The following FSHR variants were observed in gnomAD, a reference collection of about 807,000 sequenced individuals.
The protein encoded by FSHR is follicle stimulating hormone receptor, also known as follicle-stimulating hormone receptor.
In FSHR, 46 loss-of-function variants were observed where a neutral mutation model predicts 52.1. The ratio of observed to expected loss-of-function variants is 0.88; its 90% confidence interval spans 0.70 to 1.13. The LOEUF (loss-of-function observed/expected upper bound fraction) is 1.13, where lower values mean the gene tolerates loss of function less well. FSHR is among the 50% of genes most tolerant of loss of function. The pLI, the probability that FSHR is intolerant of heterozygous loss-of-function variation, is 0.00. For missense variants in FSHR, 964 were observed against 834.6 expected (o/e 1.16, Z -1.91); for synonymous variants, 399 against 309.6 (o/e 1.29, Z -3.03).
intron 2 of FSHR, among the ~76,000 whole-genome samples, chr2:49,035,869 T>G (rs1353333693): frequency 1.3e-5 from 2 of 152,212 alleles, no homozygotes; most frequent in Non-Finnish European, 2.9e-5. Context: ...GGAGAAATCT[T>G]TGAGCAAGTA....
intron 8 of FSHR, 67 bp from the exon 9 acceptor site, chr2:48,968,950 A>T (rs770937146): frequency 2.2e-6 from 3 of 1,394,630 alleles, no homozygotes; most frequent in Non-Finnish European, 3.0e-6. Flanking sequence ...CTTGGTTAGC[A>T]GGCAAAATAG....
chr2:49,104,962 A>C (rs1671172300), intron 1 of FSHR, among the ~76,000 whole-genome samples: 1 of 152,052 alleles, frequency 6.6e-6, no homozygotes, highest in Admixed American at 6.5e-5. Context: ...GGCAATGGAG[A>C]CTTGTGAATT....
intron 1 of FSHR, among the ~76,000 whole-genome samples, chr2:49,139,601 T>TC (rs951176004): frequency 6.7e-6 from 1 of 148,640 alleles, no homozygotes; most frequent in African/African-American, 2.5e-5. Context: ...TCCAAGAATT[T>TC]TTTTTTTTTT....
intron 1 of FSHR, among the ~76,000 whole-genome samples, chr2:49,123,401 C>T (rs531169929): frequency 3.9e-5 from 6 of 152,162 alleles, no homozygotes; most frequent in Admixed American, 6.5e-5. Flanking sequence ...GTAGGAGTAT[C>T]GCTTGAGCCC....
Position 48,963,456 on chromosome 2 carries a change from C to T in FSHR, c.1365G>A (p.Leu455=). 1.2e-6 allele frequency: 2 copies of T among 1,614,178 alleles called. No individual in the cohort carries two copies. Among genetic ancestry groups the T allele is most frequent in the South Asian group, 1.1e-5 (1 of 91,088 alleles). Residue 455 remains leucine (L), a synonymous_variant, in exon 10 of 10, where the codon CTG becomes CTA. Transcript: ENST00000406846. The part of the protein sequence containing the change: ...AGFFTVFASE[L]SVYTLTAITL... ...TGATAGCTGTCAGAGTGTAGACTGA[C>T]AGCTCACTGGCAAAGACAGTGAAAA... is the stretch of plus-strand genomic sequence containing the variant.
At chr2:49,021,186 C>A (rs550365840) in intron 2 of FSHR, among the ~76,000 whole-genome samples, 1 of 152,200 alleles carries the variant, frequency 6.6e-6, no homozygotes, top group African/African-American at 2.4e-5. Flanking sequence ...AAGGCCATTG[C>A]CATTAATGAT....
chr2:49,047,462 C>T (rs149955596), intron 2 of FSHR, among the ~76,000 whole-genome samples: 46 of 152,304 alleles, frequency 3.0e-4, no homozygotes, highest in African/African-American at 9.6e-4. Flanking sequence ...GCTTACAGCA[C>T]GATCACCCTG....
At chr2:49,004,772 C>T (rs1559125228) in intron 4 of FSHR, among the ~76,000 whole-genome samples, 1 of 152,068 alleles carries the variant, frequency 6.6e-6, no homozygotes, top group African/African-American at 2.4e-5. Flanking sequence ...TGCTTTTCAC[C>T]CAGTCCTCTC....
rs1372116078 is a variant in FSHR, at chr2:49,069,670, T to G, written c.153-1380A>C. 3.9e-5 allele frequency among the ~76,000 whole-genome samples: 6 copies of G among 152,248 alleles called. No individual in the cohort carries two copies. In the East Asian group the frequency reaches 1.2e-3, roughly 29 times the overall value. On this transcript the variant is annotated intron_variant, in intron 1 of 9. Coordinates refer to ENST00000406846, the MANE Select transcript of FSHR (RefSeq NM_000145.4). ...ATTTGAATGACTGAATTAAATGGCT[T>G]ATTGAGCCCTCTGAAAATTCTAGGT...
chr2:49,096,890 C>T (rs1383467566), intron 1 of FSHR, among the ~76,000 whole-genome samples: 1 of 152,076 alleles, frequency 6.6e-6, no homozygotes, highest in Non-Finnish European at 1.5e-5. Flanking sequence ...CTTTCTTGCT[C>T]CTGCTCTGGC....
intron 1 of FSHR, among the ~76,000 whole-genome samples, chr2:49,120,714 C>G (rs1413046962): frequency 6.6e-6 from 1 of 152,152 alleles, no homozygotes; most frequent in Non-Finnish European, 1.5e-5. Flanking sequence ...ATTATACAAC[C>G]TCTCTGGCCT....
At chr2:49,065,167 G>T (rs900762420) in intron 2 of FSHR, among the ~76,000 whole-genome samples, 1 of 152,094 alleles carries the variant, frequency 6.6e-6, no homozygotes, top group Non-Finnish European at 1.5e-5. Context: ...AGTGCATATG[G>T]TGGGAAATAA....
intron 4 of FSHR, among the ~76,000 whole-genome samples, chr2:48,993,992 G>A (rs1675906699): frequency 6.6e-6 from 1 of 152,126 alleles, no homozygotes; most frequent in African/African-American, 2.4e-5. Context: ...GTATTATTTT[G>A]TGTTATTTAT....
intron 6 of FSHR, among the ~76,000 whole-genome samples, chr2:48,986,432 C>T (rs1675519852): frequency 6.9e-6 from 1 of 145,406 alleles, no homozygotes; most frequent in African/African-American, 2.5e-5. Flanking sequence ...TCAAATGTCC[C>T]CATGGGAAGA....
At chr2:49,027,631 C>T (rs559786979) in intron 2 of FSHR, among the ~76,000 whole-genome samples, 12 of 152,266 alleles carry the variant, frequency 7.9e-5, no homozygotes, top group Admixed American at 5.2e-4. Flanking sequence ...GGGCCGATCA[C>T]TTGATGTCAG....
chr2:48,993,497 A>G (rs541149048), intron 4 of FSHR, among the ~76,000 whole-genome samples: 11 of 152,104 alleles, frequency 7.2e-5, no homozygotes, highest in African/African-American at 2.7e-4. Context: ...GCCTATCTCC[A>G]CTGACACCAT....
chr2:49,069,985 T>C (rs1669670482), intron 1 of FSHR, among the ~76,000 whole-genome samples: 1 of 152,132 alleles, frequency 6.6e-6, no homozygotes, highest in Non-Finnish European at 1.5e-5. Context: ...GGCAATCAGG[T>C]CTTTTCTTTC....
At chr2:49,023,303 C>G (rs982913221) in intron 2 of FSHR, among the ~76,000 whole-genome samples, 2 of 152,136 alleles carry the variant, frequency 1.3e-5, no homozygotes, top group East Asian at 3.8e-4. Context: ...GTATCTCTAG[C>G]ATCTAGTGAT....
intron 4 of FSHR, among the ~76,000 whole-genome samples, chr2:48,998,816 T>C (rs1676136543): frequency 6.6e-6 from 1 of 151,684 alleles, no homozygotes. Flanking sequence ...ATATTGTTAT[T>C]ATATTTAGTG....
Sources: allele counts gnomAD v4.1 joint callset (sites outside exome capture counted in the v4.1 genomes callset), GRCh38; gene constraint gnomAD v4.1.1; transcripts MANE v1.5; gene names NCBI Gene and HGNC (gene_info 2026-07-23, HGNC 2026-07-21).